Variants in PPP3CA observed in about 807,000 individuals in gnomAD.
PPP3CA encodes protein phosphatase 3 catalytic subunit alpha.
A neutral mutation model predicts 66.5 loss-of-function variants in PPP3CA; 14 were observed. The observed-to-expected ratio is 0.21, with a 90% CI of 0.14 to 0.33. The LOEUF (loss-of-function observed/expected upper bound fraction) is 0.33. Ranked by LOEUF, PPP3CA falls within the 10% of genes least tolerant of loss-of-function variation. The pLI is 1.00. For missense variants in PPP3CA, 317 were observed against 639.5 expected (o/e 0.50, Z 5.44); for synonymous variants, 232 against 226.2 (o/e 1.03, Z -0.23).
At chr4:101,119,529 A>AAACAAG (rs2110271896) in intron 2 of PPP3CA, among the ~76,000 whole-genome samples, 1 of 152,134 alleles carries the variant, frequency 6.6e-6, no homozygotes, top group Admixed American at 6.6e-5. Flanking sequence ...ACAAAAACAA[A>AAACAAG]AAAACACAAA....
chr4:101,064,689 G>A (rs1387709972), intron 8 of PPP3CA, among the ~76,000 whole-genome samples: 1 of 151,902 alleles, frequency 6.6e-6, no homozygotes, highest in Non-Finnish European at 1.5e-5. Context: ...ATATGACATG[G>A]CTTCTTGATG....
At chr4:101,028,554 T>C (rs997577723) in intron 13 of PPP3CA, among the ~76,000 whole-genome samples, 4 of 152,190 alleles carry the variant, frequency 2.6e-5, no homozygotes, top group Non-Finnish European at 4.4e-5. Flanking sequence ...AGCCACTAGA[T>C]GCTTTTGAAC....
intron 1 of PPP3CA, among the ~76,000 whole-genome samples, chr4:101,211,285 T>C (rs1216558448): frequency 6.6e-6 from 1 of 152,192 alleles, no homozygotes; most frequent in Non-Finnish European, 1.5e-5. Flanking sequence ...GAACCCAAAG[T>C]ACACATCCAG....
At chr4:101,115,151 C>G (rs1021756256) in intron 2 of PPP3CA, among the ~76,000 whole-genome samples, 1 of 151,998 alleles carries the variant, frequency 6.6e-6, no homozygotes, top group African/African-American at 2.4e-5. Context: ...ACAAGGGACT[C>G]TTTGTAGTTA....
chr4:101,296,879 T>C (rs967983831), intron 1 of PPP3CA, among the ~76,000 whole-genome samples: 3 of 152,208 alleles, frequency 2.0e-5, no homozygotes, highest in Admixed American at 6.5e-5. Context: ...ACTTATTTAG[T>C]GGCCCCTTCT....
intron 1 of PPP3CA, among the ~76,000 whole-genome samples, chr4:101,326,531 A>C (rs1232378980): frequency 6.6e-6 from 1 of 152,216 alleles, no homozygotes; most frequent in Non-Finnish European, 1.5e-5. Context: ...AAACAGGTGA[A>C]TCTTAAAGAC....
rs1214940985 is a variant in PPP3CA at position 101,040,997 on chromosome 4, G to A, written c.1157-431C>T. Among the ~76,000 whole-genome samples the A allele has an allele frequency of 3.9e-5, 6 of 152,142 alleles. No individual in the cohort carries two copies. In the East Asian group the frequency reaches 9.6e-4, roughly 24 times the overall value. ...GCTGGGAAAACTACTTTAGGAAACT[G>A]CTTTTCCAAAAGTTCTCCTTTGATG... On this transcript the variant is annotated intron_variant, in intron 10 of 13. Coordinates refer to ENST00000394854, the MANE Select transcript of PPP3CA (RefSeq NM_000944.5).
chr4:101,124,175 T>G (rs988454569), intron 2 of PPP3CA, among the ~76,000 whole-genome samples: 1 of 152,188 alleles, frequency 6.6e-6, no homozygotes, highest in Non-Finnish European at 1.5e-5. Context: ...AATGGGTAAC[T>G]GATGGTCCCA....
chr4:101,061,210 C>T (rs757815770), intron 9 of PPP3CA, 49 bp from the exon 10 acceptor site: 2 of 1,484,998 alleles, frequency 1.3e-6, no homozygotes, highest in South Asian at 2.3e-5. Flanking sequence ...CTGTTATAAC[C>T]TTAACTATTA....
intron 1 of PPP3CA, among the ~76,000 whole-genome samples, chr4:101,317,808 T>C (rs1266347906): frequency 6.6e-6 from 1 of 152,198 alleles, no homozygotes; most frequent in African/African-American, 2.4e-5. Flanking sequence ...CTGAAACCGA[T>C]GGTCACTGGT....
At chr4:101,091,566 T>C (rs891997249) in intron 6 of PPP3CA, among the ~76,000 whole-genome samples, 1 of 152,042 alleles carries the variant, frequency 6.6e-6, no homozygotes, top group Non-Finnish European at 1.5e-5. Flanking sequence ...TCATGAACTT[T>C]AATTTATCAA....
intron 6 of PPP3CA, 146 bp downstream of exon 6, chr4:101,093,630 T>A (rs1198763798): frequency 1.3e-6 from 1 of 799,662 alleles, no homozygotes; most frequent in Non-Finnish European, 1.8e-6. Context: ...TTCATTTATT[T>A]ATATTTTCAT....
chr4:101,230,374 A>C (rs1725921467), intron 1 of PPP3CA, among the ~76,000 whole-genome samples: 2 of 151,482 alleles, frequency 1.3e-5, no homozygotes, highest in African/African-American at 4.8e-5. Context: ...ATCACCAATA[A>C]CCTTATAACT....
chr4:101,126,791 A>C (rs923800441), intron 2 of PPP3CA, among the ~76,000 whole-genome samples: 9 of 152,178 alleles, frequency 5.9e-5, no homozygotes, highest in African/African-American at 1.7e-4. Flanking sequence ...GATCTCAAAA[A>C]CACCTTACAT....
chr4:101,169,842 T>C (rs1441802888), intron 2 of PPP3CA, among the ~76,000 whole-genome samples: 2 of 152,068 alleles, frequency 1.3e-5, no homozygotes, highest in African/African-American at 4.8e-5. Flanking sequence ...TTACAAACCA[T>C]GCTTTTAAGA....
chr4:101,316,224 G>C (rs1728880129), intron 1 of PPP3CA, among the ~76,000 whole-genome samples: 1 of 150,740 alleles, frequency 6.6e-6, no homozygotes. Flanking sequence ...GTAAAAATGA[G>C]TATTTGGAGG....
chr4:101,304,395 G>A (rs1001723576), intron 1 of PPP3CA, among the ~76,000 whole-genome samples: 1 of 151,968 alleles, frequency 6.6e-6, no homozygotes, highest in African/African-American at 2.4e-5. Context: ...CCTGTTTCTG[G>A]GTTTTGCCTA....
chr4:101,278,130 AAAAAAAAAAT>A lies in PPP3CA; in HGVS notation c.58+68599_58+68608del, dbSNP rs201058442. ...ACTTTAAAAGCTATTAGTAAAAAAA[AAAAAAAAAAT>A]AAAAAAATTAAAAAGTTATTTTAAC... On this transcript the variant is annotated intron_variant, in intron 1 of 13. Coordinates refer to ENST00000394854, the MANE Select transcript of PPP3CA (RefSeq NM_000944.5). Among the ~76,000 whole-genome samples, 1,182 of 147,104 alleles carry A rather than the reference AAAAAAAAAAT, an allele frequency of 8.0e-3. 20 individuals are homozygous for A. The highest frequency in any genetic ancestry group is 0.03 in the African/African-American group (1,127 of 37,354).
chr4:101,190,558 T>C (rs1156460693), intron 2 of PPP3CA, among the ~76,000 whole-genome samples: 1 of 152,200 alleles, frequency 6.6e-6, no homozygotes, highest in Non-Finnish European at 1.5e-5. Flanking sequence ...TGAATTACTA[T>C]GGTTCAGCTA....
Sources: allele counts gnomAD v4.1 joint callset (sites outside exome capture counted in the v4.1 genomes callset), GRCh38; gene constraint gnomAD v4.1.1; transcripts MANE v1.5; gene names NCBI Gene and HGNC (gene_info 2026-07-23, HGNC 2026-07-21).